Variants in NALCN observed in about 807,000 individuals in gnomAD.
NALCN encodes sodium leak channel, non-selective, also known as sodium leak channel NALCN.
A neutral mutation model predicts 225.3 loss-of-function variants in NALCN; 111 were observed. The ratio of observed to expected loss-of-function variants is 0.49; its 90% CI spans 0.42 to 0.58. The LOEUF (loss-of-function observed/expected upper bound fraction) is 0.58, where lower values mean the gene tolerates loss of function less well. Ranked by LOEUF, NALCN falls within the 20% of genes least tolerant of loss-of-function variation. The pLI, the probability that NALCN is intolerant of heterozygous loss-of-function variation, is 0.00. For missense variants in NALCN, 1,378 were observed against 2,202.4 expected, an observed-to-expected ratio of 0.63 and a Z score of 7.49; for synonymous variants, 764 against 769.0, an observed-to-expected ratio of 0.99 and a Z score of 0.11.
intron 40 of NALCN, among the ~76,000 whole-genome samples, chr13:101,064,922 G>GA (rs2032245045): frequency 6.6e-6 from 1 of 152,176 alleles, no homozygotes; most frequent in Non-Finnish European, 1.5e-5. Context: ...GAAATGTCTG[G>GA]AAAATCTGGT....
At chr13:101,235,939 T>C (rs927690900) in intron 12 of NALCN, among the ~76,000 whole-genome samples, 14 of 152,200 alleles carry the variant, frequency 9.2e-5, no homozygotes, top group African/African-American at 3.1e-4. Flanking sequence ...ATCAATAAAG[T>C]TGCAATGCAT....
intron 13 of NALCN, among the ~76,000 whole-genome samples, chr13:101,213,282 A>T (rs1170390384): frequency 1.3e-5 from 2 of 152,216 alleles, no homozygotes; most frequent in Non-Finnish European, 2.9e-5. Flanking sequence ...CTTACACCTT[A>T]TACAAAAATT....
intron 7 of NALCN, among the ~76,000 whole-genome samples, chr13:101,311,026 T>A (rs1249643688): frequency 2.6e-5 from 4 of 151,890 alleles, no homozygotes; most frequent in Non-Finnish European, 5.9e-5. Flanking sequence ...TGTATCCTCT[T>A]TTATTTCATT....
At chr13:101,272,767 A>T (rs1481239828) in intron 10 of NALCN, among the ~76,000 whole-genome samples, 1 of 152,050 alleles carries the variant, frequency 6.6e-6, no homozygotes, top group African/African-American at 2.4e-5. Context: ...TCTGGAGGGA[A>T]CCTACATTCT....
In NALCN at chr13:101,104,111, C is replaced by A. The variant is rs1325388340; in HGVS notation, c.2889+184G>T. On this transcript the variant is annotated intron_variant, in intron 25 of 43. Coordinates refer to ENST00000251127, the MANE Select transcript of NALCN (RefSeq NM_052867.4). This position sits in a 1 kb window ranked among gnomAD's most constrained non-coding sequence, Gnocchi z 4.2. ...ACTATCCATAGATATTTATGATGCT[C>A]TTAATTTAGATTTTACATGCATGGC... Among the ~76,000 whole-genome samples the A allele has an allele frequency of 1.3e-5, 2 of 152,044 alleles. No homozygotes were observed. Among genetic ancestry groups the A allele is most frequent in the African/African-American group, 4.8e-5 (2 of 41,392 alleles).
chr13:101,199,520 A>G (rs541629960), intron 13 of NALCN, among the ~76,000 whole-genome samples: 3 of 151,466 alleles, frequency 2.0e-5, no homozygotes, highest in African/African-American at 7.3e-5. Context: ...GAAGCTGGAA[A>G]CCATCATTCT....
chr13:101,289,737 A>C (rs1006321005), intron 9 of NALCN, among the ~76,000 whole-genome samples: 1 of 152,180 alleles, frequency 6.6e-6, no homozygotes, highest in Non-Finnish European at 1.5e-5. Context: ...GCATTATAAT[A>C]ATCATCTTTA....
intron 17 of NALCN, among the ~76,000 whole-genome samples, chr13:101,134,909 A>T (rs2036695710): frequency 6.6e-6 from 1 of 152,170 alleles, no homozygotes; most frequent in Non-Finnish European, 1.5e-5. Context: ...AAGAAACTAT[A>T]AATGCCCGGG....
At chr13:101,156,799 G>A (rs937211085) in intron 15 of NALCN, among the ~76,000 whole-genome samples, 2 of 152,148 alleles carry the variant, frequency 1.3e-5, no homozygotes, top group Admixed American at 6.5e-5. Flanking sequence ...TAGAGGCATG[G>A]AAAATACGTA....
At position 101,229,390 on chromosome 13, in the gene NALCN, T is replaced by C. The variant is rs756125958; in HGVS notation, c.1626+3A>G. ...TAACTTACTGCATTTTTAAAACTCT[T>C]ACCCTCGGAAACGTAGTAAATCTGT... On this transcript the variant is annotated splice_donor_region_variant and intron_variant, in intron 13 of 43. Transcript: ENST00000251127. The C allele has an allele frequency of 2.6e-6, 4 of 1,536,392 alleles. No homozygotes were observed. The South Asian group carries it at 5.1e-5, about 20-fold the overall frequency.
At chr13:101,390,998 A>T (rs1344632844) in intron 3 of NALCN, among the ~76,000 whole-genome samples, 1 of 152,158 alleles carries the variant, frequency 6.6e-6, no homozygotes, top group Non-Finnish European at 1.5e-5. Flanking sequence ...AACATGGCAC[A>T]TGTATACATA....
chr13:101,410,892 C>A (rs1326994220), intron 1 of NALCN, among the ~76,000 whole-genome samples: 8 of 152,192 alleles, frequency 5.3e-5, no homozygotes, highest in African/African-American at 1.7e-4. Context: ...CTCTTCCTTC[C>A]ATCACTAAGA....
chr13:101,152,855 T>TA (rs539227560), intron 15 of NALCN, among the ~76,000 whole-genome samples: 12 of 151,936 alleles, frequency 7.9e-5, no homozygotes, highest in South Asian at 2.1e-4. Context: ...CTCAGTGTGA[T>TA]AAAAAAAAGT....
At chr13:101,081,690 G>A (rs774876861) in intron 33 of NALCN, 44 bp from the exon 34 acceptor site, 1 of 1,601,108 alleles carries the variant, frequency 6.2e-7, no homozygotes, top group Admixed American at 1.7e-5. Context: ...AGAGTGTTTA[G>A]TACATATTTA....
At position 101,233,556 on chromosome 13, in the gene NALCN, A is replaced by G. The variant is rs920992862; in HGVS notation, c.1435-3972T>C. Among the ~76,000 whole-genome samples, 13 of 151,912 alleles carry G rather than the reference A, an allele frequency of 8.6e-5. No homozygotes were observed. In the South Asian group the frequency reaches 1.5e-3, roughly 17 times the overall value. ...GGGGTTTCACCATGTTAGCCGGGAT[A>G]GTCTTGATCTCCTGACCTCGTGATC... is the stretch of plus-strand genomic sequence containing the variant. On this transcript the variant is annotated intron_variant, in intron 12 of 43. Coordinates refer to ENST00000251127, the MANE Select transcript of NALCN (RefSeq NM_052867.4).
intron 17 of NALCN, among the ~76,000 whole-genome samples, chr13:101,127,048 G>A (rs1409681313): frequency 1.3e-5 from 2 of 152,198 alleles, no homozygotes; most frequent in African/African-American, 4.8e-5. Context: ...AATGACATGT[G>A]TTAGTTGTCT....
At chr13:101,240,563 GATTT>G (rs1213174897) in intron 11 of NALCN, among the ~76,000 whole-genome samples, 1 of 151,930 alleles carries the variant, frequency 6.6e-6, no homozygotes, top group Non-Finnish European at 1.5e-5. Flanking sequence ...TCATTTTTAA[GATTT>G]ATTTTGGAGT....
intron 18 of NALCN, among the ~76,000 whole-genome samples, chr13:101,111,729 G>A (rs1444093193): frequency 6.6e-6 from 1 of 152,150 alleles, no homozygotes; most frequent in Non-Finnish European, 1.5e-5. Flanking sequence ...GAGTTTCCCT[G>A]TACAAGCTCT....
intron 27 of NALCN, among the ~76,000 whole-genome samples, chr13:101,095,994 T>C (rs2139577750): frequency 6.6e-6 from 1 of 151,796 alleles, no homozygotes; most frequent in Middle Eastern, 3.4e-3. Flanking sequence ...AAAATGCAAA[T>C]CAAAACCATA....
Sources: allele counts gnomAD v4.1 joint callset (sites outside exome capture counted in the v4.1 genomes callset), GRCh38; gene constraint gnomAD v4.1.1; non-coding constraint Gnocchi (gnomAD v3.1); transcripts MANE v1.5; gene names NCBI Gene and HGNC (gene_info 2026-07-23, HGNC 2026-07-21).